Variants in VWA3B observed in about 807,000 individuals in gnomAD.
VWA3B encodes the protein von Willebrand factor A domain-containing protein 3B.
VWA3B carries 138 observed loss-of-function variants against 158.3 expected under a neutral mutation model. That is an observed-to-expected ratio of 0.87 (90% confidence interval 0.76 to 1.00). The LOEUF is 1.00. Among genes scored for constraint, VWA3B ranks in the 50% least tolerant of loss-of-function variants. The pLI is 0.00. For missense variants in VWA3B, 1,555 were observed against 1,565.1 expected, an observed-to-expected ratio of 0.99 and a Z score of 0.11; for synonymous variants, 596 against 587.3, an observed-to-expected ratio of 1.01 and a Z score of -0.21.
chr2:98,213,418 C>T (rs1376179947), intron 13 of VWA3B, among the ~76,000 whole-genome samples: 4 of 152,092 alleles, frequency 2.6e-5, no homozygotes, highest in African/African-American at 9.7e-5. Context: ...CTGCTGGGTC[C>T]TTGATGAAAG....
In VWA3B at chr2:98,195,184, A is replaced by G. The variant is rs956817984; in HGVS notation, c.1737+692A>G. 3.3e-5 allele frequency among the ~76,000 whole-genome samples: 5 copies of G among 152,230 alleles called. No homozygotes were observed. The South Asian group carries it at 1.0e-3, about 31-fold the overall frequency. ...ATATAGGAGCTGGACATCGTGGTGC[A>G]CACCTGTAGTCCCAGCTCCTTGGGA... On this transcript the variant is annotated intron_variant, in intron 12 of 27. Coordinates refer to ENST00000477737, the MANE Select transcript of VWA3B (RefSeq NM_144992.5).
chr2:98,298,072 T>A, intron 24 of VWA3B, 41 bp downstream of exon 24: 1 of 1,412,928 alleles, frequency 7.1e-7, no homozygotes, highest in Non-Finnish European at 9.3e-7. Context: ...CTTTTCACCA[T>A]CCACAGAGTT....
chr2:98,287,042 T>C (rs910091507), intron 22 of VWA3B, among the ~76,000 whole-genome samples: 1 of 152,184 alleles, frequency 6.6e-6, no homozygotes, highest in Non-Finnish European at 1.5e-5. Context: ...TTTAGAGTTT[T>C]AGGCTCAAAA....
At chr2:98,197,678 A>G (rs1179230605) in intron 12 of VWA3B, among the ~76,000 whole-genome samples, 4 of 152,102 alleles carry the variant, frequency 2.6e-5, no homozygotes, top group Non-Finnish European at 4.4e-5. Flanking sequence ...ATCTAATACT[A>G]TCATTATTTA....
chr2:98,141,936 T>G (rs143805260), intron 7 of VWA3B, among the ~76,000 whole-genome samples: 246 of 152,276 alleles, frequency 1.6e-3, no homozygotes, highest in African/African-American at 5.6e-3. Flanking sequence ...TGAGGCCCCC[T>G]AAGTGGCAGA....
At chr2:98,233,370 T>C (rs1429256807) in intron 16 of VWA3B, among the ~76,000 whole-genome samples, 1 of 152,190 alleles carries the variant, frequency 6.6e-6, no homozygotes, top group Non-Finnish European at 1.5e-5. Flanking sequence ...ATTTGTGGCC[T>C]TTGGGAATGG....
chr2:98,303,610 G>T, intron 25 of VWA3B, 92 bp from the exon 26 acceptor site: 5 of 1,151,826 alleles, frequency 4.3e-6, no homozygotes, highest in Non-Finnish European at 6.4e-6. Context: ...ATGACTAGAA[G>T]CTATTATAAT....
chr2:98,092,761 CCA>C (rs1159086092), intron 1 of VWA3B, among the ~76,000 whole-genome samples: 2 of 144,376 alleles, frequency 1.4e-5, no homozygotes, highest in African/African-American at 5.1e-5. Context: ...CATACTACCA[CCA>C]CACAGAGAAA....
chr2:98,284,237 C>G (rs1211800498), intron 22 of VWA3B, among the ~76,000 whole-genome samples: 2 of 152,228 alleles, frequency 1.3e-5, no homozygotes, highest in Non-Finnish European at 1.5e-5. Flanking sequence ...CTTAACCCCT[C>G]AGCTTATTTA....
chr2:98,252,670 C>T (rs539792718), intron 20 of VWA3B, among the ~76,000 whole-genome samples: 40 of 152,108 alleles, frequency 2.6e-4, no homozygotes, highest in Non-Finnish European at 5.4e-4. Context: ...ACTCTGCTGA[C>T]CCTAAAATAA....
chr2:98,188,919 G>A (rs988177046), intron 10 of VWA3B, among the ~76,000 whole-genome samples: 1 of 152,322 alleles, frequency 6.6e-6, no homozygotes, highest in South Asian at 2.1e-4. Context: ...GTGGTAGGAG[G>A]CTAAGGAATG....
intron 5 of VWA3B, among the ~76,000 whole-genome samples, chr2:98,127,417 G>A (rs34527666): frequency 1.5e-3 from 224 of 152,192 alleles, no homozygotes; most frequent in African/African-American, 5.0e-3. Context: ...GCACCGTCCC[G>A]GGAGGAGCGA....
intron 12 of VWA3B, chr2:98,207,120 C>G (rs1281481665): frequency 1.9e-6 from 1 of 534,522 alleles, no homozygotes; most frequent in Non-Finnish European, 3.8e-6. Flanking sequence ...TGGGCAGAAT[C>G]CCTTCTGCTG....
At chr2:98,153,153 C>G (rs565027718) in intron 7 of VWA3B, among the ~76,000 whole-genome samples, 3 of 152,208 alleles carry the variant, frequency 2.0e-5, no homozygotes, top group Non-Finnish European at 2.9e-5. Context: ...TGGCCAGCCC[C>G]TGCTCATTGT....
chr2:98,149,439 T>C (rs1195704187), intron 7 of VWA3B, among the ~76,000 whole-genome samples: 1 of 152,242 alleles, frequency 6.6e-6, no homozygotes, highest in Non-Finnish European at 1.5e-5. Flanking sequence ...TTAAACACCC[T>C]CTAGAGGTTT....
intron 5 of VWA3B, among the ~76,000 whole-genome samples, chr2:98,127,150 C>A (rs1044932877): frequency 2.0e-5 from 3 of 152,156 alleles, no homozygotes; most frequent in Non-Finnish European, 4.4e-5. Context: ...GGGTTTCTTC[C>A]CCCATTTATG....
chr2:98,206,379 G>A (rs1683024993), intron 12 of VWA3B: 1 of 235,024 alleles, frequency 4.3e-6, no homozygotes, highest in South Asian at 8.8e-5. Context: ...GTTTGATGAG[G>A]GACTACCATC....
chr2:98,137,209 T>C (rs1156325167), intron 7 of VWA3B, among the ~76,000 whole-genome samples: 1 of 152,200 alleles, frequency 6.6e-6, no homozygotes, highest in Admixed American at 6.5e-5. Context: ...TTTTTAATGT[T>C]TTTTCCAGAA....
intron 21 of VWA3B, among the ~76,000 whole-genome samples, chr2:98,259,397 G>T (rs920103611): frequency 6.6e-6 from 1 of 151,572 alleles, no homozygotes; most frequent in African/African-American, 2.4e-5. Context: ...TTTGTTGGGG[G>T]ATTTTTTATT....
Sources: allele counts gnomAD v4.1 joint callset (sites outside exome capture counted in the v4.1 genomes callset), GRCh38; gene constraint gnomAD v4.1.1; transcripts MANE v1.5; gene names NCBI Gene and HGNC (gene_info 2026-07-23, HGNC 2026-07-21).